Variants in GSE1 observed in about 807,000 individuals in gnomAD.
The protein encoded by GSE1 is genetic suppressor element 1.
GSE1 carries 32 observed loss-of-function variants against 112.6 expected under a neutral mutation model. The observed-to-expected ratio is 0.28, with a 90% CI of 0.21 to 0.38. The LOEUF (loss-of-function observed/expected upper bound fraction) is 0.38, where lower values mean the gene tolerates loss of function less well. GSE1 is among the 10% of genes least tolerant of loss of function. The pLI is 1.00. For synonymous variants in GSE1, 1,115 were observed against 735.6 expected (o/e 1.52, Z -8.35); for missense variants, 2,348 against 1,699.2 (o/e 1.38, Z -6.71).
intron 1 of GSE1, among the ~76,000 whole-genome samples, chr16:85,236,177 G>T (rs376643154): frequency 6.6e-5 from 10 of 152,362 alleles, no homozygotes; most frequent in African/African-American, 2.4e-4. Flanking sequence ...CTCCTGGTGG[G>T]GGCTGGGACC....
chr16:85,653,878 C>T (rs1310335576), intron 3 of GSE1, among the ~76,000 whole-genome samples: 1 of 152,210 alleles, frequency 6.6e-6, no homozygotes, highest in Non-Finnish European at 1.5e-5. Context: ...GTGCTGGGTG[C>T]CAACGGTGTC....
At chr16:85,492,726 TC>T (rs2051049402) in intron 2 of GSE1, among the ~76,000 whole-genome samples, 1 of 150,618 alleles carries the variant, frequency 6.6e-6, no homozygotes. Context: ...GCCTCTTCCC[TC>T]CCAGAGGGAG....
At chr16:85,198,117 C>A (rs1399492104) in intron 1 of GSE1, among the ~76,000 whole-genome samples, 1 of 152,096 alleles carries the variant, frequency 6.6e-6, no homozygotes, top group Non-Finnish European at 1.5e-5. Context: ...TGGGAGTCAG[C>A]CTCTATGTGG....
intron 1 of GSE1, among the ~76,000 whole-genome samples, chr16:85,629,691 TGTGGGAA>T (rs2151710962): frequency 6.6e-6 from 1 of 152,184 alleles, no homozygotes; most frequent in African/African-American, 2.4e-5. Flanking sequence ...CTCTGAGGAA[TGTGGGAA>T]AGGGGGATGG....
intron 2 of GSE1, chr16:85,462,938 C>G: frequency 5.4e-6 from 1 of 184,102 alleles, no homozygotes; most frequent in Non-Finnish European, 1.0e-5. Context: ...CGCAGAATCC[C>G]GGGGCTCCAT....
intron 2 of GSE1, among the ~76,000 whole-genome samples, chr16:85,521,196 G>A (rs146862704): frequency 4.3e-4 from 65 of 152,316 alleles, no homozygotes; most frequent in Non-Finnish European, 8.2e-4. Context: ...TGTGGTCCCG[G>A]GGCAGGGTCA....
chr16:85,616,169 C>T (rs1003496680), intron 1 of GSE1, among the ~76,000 whole-genome samples: 1 of 152,240 alleles, frequency 6.6e-6, no homozygotes, highest in Admixed American at 6.5e-5. Flanking sequence ...GCTAGAGATT[C>T]CCCCCTTCCA....
At chr16:85,193,584 C>T (rs998389700) in intron 1 of GSE1, among the ~76,000 whole-genome samples, 1 of 152,206 alleles carries the variant, frequency 6.6e-6, no homozygotes, top group African/African-American at 2.4e-5. Flanking sequence ...CTCAGCCTCC[C>T]GAGTAGCTGG....
upstream of GSE1, among the ~76,000 whole-genome samples, chr16:85,609,243 A>T (rs2047854437): frequency 6.6e-6 from 1 of 152,114 alleles, no homozygotes; most frequent in Non-Finnish European, 1.5e-5. Flanking sequence ...CCCACCTTTA[A>T]AAACAACCAA....
At chr16:85,529,018 A>T (rs1417116584) in intron 2 of GSE1, among the ~76,000 whole-genome samples, 1 of 152,062 alleles carries the variant, frequency 6.6e-6, no homozygotes, top group African/African-American at 2.4e-5. Context: ...GGGCAGAGGC[A>T]CCCTCATCTT....
intron 1 of GSE1, among the ~76,000 whole-genome samples, chr16:85,242,245 C>T (rs963999353): frequency 1.3e-5 from 2 of 152,186 alleles, no homozygotes; most frequent in Admixed American, 6.5e-5. Context: ...ATCCTCTGCT[C>T]ACCCCAGCCC....
At chr16:85,606,694 C>T (rs2047717453), upstream of GSE1, among the ~76,000 whole-genome samples, 1 of 152,216 alleles carries the variant, frequency 6.6e-6, no homozygotes, top group African/African-American at 2.4e-5. Flanking sequence ...CCTGTGGCAG[C>T]CCAAGTGGAC....
At chr16:85,570,935 G>A (rs1241808340) in intron 1 of GSE1, among the ~76,000 whole-genome samples, 1 of 152,230 alleles carries the variant, frequency 6.6e-6, no homozygotes, top group African/African-American at 2.4e-5. Flanking sequence ...GTTTCCTTTT[G>A]GCTGGAGTGA....
chr16:85,420,115 G>A (rs2048799748), intron 2 of GSE1, among the ~76,000 whole-genome samples: 1 of 149,442 alleles, frequency 6.7e-6, no homozygotes. Flanking sequence ...CCAGACGGGT[G>A]GTGGCTCATG....
intron 2 of GSE1, among the ~76,000 whole-genome samples, chr16:85,447,929 C>T (rs192764238): frequency 3.2e-4 from 49 of 152,244 alleles, no homozygotes; most frequent in African/African-American, 1.0e-3. Context: ...TCCTGGTGGG[C>T]GACTCGAGGC....
At chr16:85,458,998 G>T (rs1342782806) in intron 2 of GSE1, among the ~76,000 whole-genome samples, 1 of 152,170 alleles carries the variant, frequency 6.6e-6, no homozygotes, top group Non-Finnish European at 1.5e-5. Flanking sequence ...CCACTCTCAG[G>T]AGTATTGGCC....
At chr16:85,586,935 A>G (rs1403778779) in intron 1 of GSE1, among the ~76,000 whole-genome samples, 3 of 152,230 alleles carry the variant, frequency 2.0e-5, no homozygotes, top group Non-Finnish European at 4.4e-5. Flanking sequence ...CGCAGCTGCC[A>G]GGGGGCTGGA....
chr16:85,393,017 AGAGG>A (rs2047879477), intron 2 of GSE1, among the ~76,000 whole-genome samples: 1 of 152,186 alleles, frequency 6.6e-6, no homozygotes, highest in South Asian at 2.1e-4. Context: ...CAGGCTGGTC[AGAGG>A]GAGGAGGATC....
intron 2 of GSE1, among the ~76,000 whole-genome samples, chr16:85,479,407 G>A (rs139610616): frequency 0.022 from 3,350 of 151,660 alleles, 60 homozygotes; most frequent in Non-Finnish European, 0.033. Context: ...GACCTCAGGT[G>A]ATCTGCACGT....
Sources: allele counts gnomAD v4.1 joint callset (sites outside exome capture counted in the v4.1 genomes callset), GRCh38; gene constraint gnomAD v4.1.1; transcripts MANE v1.5; gene names NCBI Gene and HGNC (gene_info 2026-07-23, HGNC 2026-07-21).